SLC35F4: variants seen among roughly 807,000 people sequenced by gnomAD.
SLC35F4 encodes the protein solute carrier family 35 member F4.
Under a neutral mutation model 44.2 loss-of-function variants are expected in SLC35F4, and 24 were observed. That is an observed-to-expected ratio of 0.54 (90% CI 0.39 to 0.76). The LOEUF is 0.76. SLC35F4 is among the 30% of genes least tolerant of loss of function. SLC35F4 has a pLI of 0.00. For missense variants in SLC35F4, 562 were observed against 586.1 expected (o/e 0.96, Z 0.42); for synonymous variants, 238 against 223.6 (o/e 1.06, Z -0.57).
chr14:57,800,868 G>T (rs2078175347), intron 1 of SLC35F4, among the ~76,000 whole-genome samples: 1 of 152,202 alleles, frequency 6.6e-6, no homozygotes, highest in Admixed American at 6.5e-5. Context: ...ATGGGATTAT[G>T]TAAGGAGACT....
chr14:57,570,050 C>T, intron 5 of SLC35F4, 70 bp from the exon 6 acceptor site: 1 of 1,401,240 alleles, frequency 7.1e-7, no homozygotes, highest in Non-Finnish European at 9.5e-7. Context: ...TCTTACTGTT[C>T]CATACTGTGA....
chr14:57,827,647 C>T (rs1484612190), intron 1 of SLC35F4, among the ~76,000 whole-genome samples: 1 of 151,814 alleles, frequency 6.6e-6, no homozygotes, highest in African/African-American at 2.4e-5. Flanking sequence ...AGTACTGACC[C>T]GTTGTCCACT....
At chr14:57,748,836 T>A (rs574697456) in intron 1 of SLC35F4, among the ~76,000 whole-genome samples, 1 of 152,282 alleles carries the variant, frequency 6.6e-6, no homozygotes, top group African/African-American at 2.4e-5. Context: ...TAGCTGCATA[T>A]AGAGTCAACT....
At chr14:57,688,699 C>T (rs551098742) in intron 1 of SLC35F4, among the ~76,000 whole-genome samples, 1 of 152,198 alleles carries the variant, frequency 6.6e-6, no homozygotes, top group Non-Finnish European at 1.5e-5. Context: ...TAGATGTAAC[C>T]AGTGGTCTAC....
chr14:57,912,884 T>C (rs1237602870), intron 1 of SLC35F4, among the ~76,000 whole-genome samples: 1 of 152,098 alleles, frequency 6.6e-6, no homozygotes, highest in Non-Finnish European at 1.5e-5. Context: ...ACTATAACTA[T>C]GGATTCACTT....
chr14:57,692,040 A>C (rs1369023227), intron 1 of SLC35F4, among the ~76,000 whole-genome samples: 1 of 152,196 alleles, frequency 6.6e-6, no homozygotes, highest in Non-Finnish European at 1.5e-5. Context: ...AGGAGGTAAG[A>C]CTGGAAAACT....
intron 1 of SLC35F4, among the ~76,000 whole-genome samples, chr14:57,691,903 T>C (rs541129168): frequency 1.2e-4 from 18 of 152,248 alleles, no homozygotes; most frequent in African/African-American, 3.1e-4. Context: ...CAGGATGTGA[T>C]AGAAGAGGGT....
chr14:57,857,027 G>A (rs1165691249), intron 1 of SLC35F4, among the ~76,000 whole-genome samples: 1 of 152,006 alleles, frequency 6.6e-6, no homozygotes, highest in Non-Finnish European at 1.5e-5. Context: ...TGTAATCCCA[G>A]CACTTTGGAA....
intron 1 of SLC35F4, among the ~76,000 whole-genome samples, chr14:57,739,230 A>T (rs756596267): frequency 5.9e-5 from 9 of 152,148 alleles, no homozygotes; most frequent in Non-Finnish European, 1.3e-4. Context: ...GGTGTCATAA[A>T]ATCTCCATGA....
At chr14:57,579,752 G>C (rs981740185) in intron 4 of SLC35F4, among the ~76,000 whole-genome samples, 18 of 152,228 alleles carry the variant, frequency 1.2e-4, no homozygotes, top group African/African-American at 4.1e-4. Flanking sequence ...ATTGGAAGTA[G>C]AGACAGCTGA....
intron 1 of SLC35F4, among the ~76,000 whole-genome samples, chr14:57,754,878 G>A (rs2076960696): frequency 6.6e-6 from 1 of 152,232 alleles, no homozygotes; most frequent in South Asian, 2.1e-4. Context: ...TTCTCTGACT[G>A]AAGCCCAGAG....
chr14:57,755,741 T>A (rs2076980172), intron 1 of SLC35F4, among the ~76,000 whole-genome samples: 2 of 152,086 alleles, frequency 1.3e-5, no homozygotes, highest in African/African-American at 4.8e-5. Flanking sequence ...TTTTACTAAA[T>A]TGCTTTCACA....
chr14:57,797,981 A>T (rs958489399), intron 1 of SLC35F4, among the ~76,000 whole-genome samples: 1 of 151,974 alleles, frequency 6.6e-6, no homozygotes, highest in Non-Finnish European at 1.5e-5. Context: ...CCATTGCCAG[A>T]GGGAAAATAT....
chr14:57,803,623 C>T (rs995763939), intron 1 of SLC35F4, among the ~76,000 whole-genome samples: 1 of 109,724 alleles, frequency 9.1e-6, no homozygotes, highest in Non-Finnish European at 1.7e-5. Context: ...GACTTTCACT[C>T]TTGTCACCCA....
At chr14:57,865,552 C>T (rs1032416641) in intron 1 of SLC35F4, among the ~76,000 whole-genome samples, 171 bp downstream of exon 1, 5 of 152,142 alleles carry the variant, frequency 3.3e-5, no homozygotes, top group South Asian at 2.1e-4. Flanking sequence ...CCGAGGACAG[C>T]GGACATACTT....
At position 57,888,434 on chromosome 14, in the gene SLC35F4, A is replaced by G. The variant is rs80192810; in HGVS notation, n.282+93479T>C. Among the ~76,000 whole-genome samples the G allele has an allele frequency of 4.1e-4, 63 of 152,330 alleles. 1 individual carries two copies. The East Asian group carries it at 0.012, about 28-fold the overall frequency. On this transcript the variant is annotated intron_variant and non_coding_transcript_variant, in intron 1 of 1. Transcript: ENST00000556568. ...ACCAGAAAGACAGGTTTCATCCTTTACTATCTGAGAGTCATGGGTTCCTTT... is the reference window on the plus strand; with the variant it reads ...ACCAGAAAGACAGGTTTCATCCTTTGCTATCTGAGAGTCATGGGTTCCTTT...
intron 1 of SLC35F4, among the ~76,000 whole-genome samples, chr14:57,911,414 T>G (rs962529035): frequency 9.9e-5 from 15 of 152,034 alleles, no homozygotes; most frequent in Non-Finnish European, 1.9e-4. Flanking sequence ...TGATGTTAGC[T>G]GTAGGCTTTT....
intron 1 of SLC35F4, among the ~76,000 whole-genome samples, chr14:57,668,150 T>C (rs1179511446): frequency 2.0e-5 from 3 of 151,108 alleles, no homozygotes; most frequent in African/African-American, 2.5e-5. Context: ...AAGTGTCTGT[T>C]CATATCCTTT....
At chr14:57,969,797 GA>G (rs1278202685) in intron 1 of SLC35F4, among the ~76,000 whole-genome samples, 1 of 151,912 alleles carries the variant, frequency 6.6e-6, no homozygotes, top group African/African-American at 2.4e-5. Flanking sequence ...TCCTTCTTTT[GA>G]ATTATTTCCT....
Sources: allele counts gnomAD v4.1 joint callset (sites outside exome capture counted in the v4.1 genomes callset), GRCh38; gene constraint gnomAD v4.1.1; transcripts MANE v1.5; gene names NCBI Gene and HGNC (gene_info 2026-07-23, HGNC 2026-07-21).